DISC1: variants seen among roughly 807,000 people sequenced by gnomAD.
DISC1 encodes the protein disrupted in schizophrenia 1 protein.
In DISC1, 57 loss-of-function variants were observed where a neutral mutation model predicts 84.5. That is an observed-to-expected ratio of 0.67 (90% CI 0.55 to 0.84). DISC1 has a LOEUF of 0.84. DISC1 is among the 40% of genes least tolerant of loss of function. The pLI is 0.00. For synonymous variants in DISC1, 411 were observed against 415.2 expected (o/e 0.99, Z 0.12); for missense variants, 1,000 against 1,057.8 (o/e 0.95, Z 0.76).
At chr1:231,748,003 A>C (rs1379954001) in intron 3 of DISC1, among the ~76,000 whole-genome samples, 1 of 152,084 alleles carries the variant, frequency 6.6e-6, no homozygotes, top group South Asian at 2.1e-4. Flanking sequence ...GTTATTGTAA[A>C]TGAAATTTCC....
chr1:231,871,949 G>T (rs1043653472), intron 9 of DISC1, among the ~76,000 whole-genome samples: 4 of 152,180 alleles, frequency 2.6e-5, no homozygotes, highest in Admixed American at 2.6e-4. Flanking sequence ...TTCACCTTCA[G>T]AGACTGGAGA....
At chr1:231,696,059 A>G (rs1203698986) in intron 2 of DISC1, among the ~76,000 whole-genome samples, 1 of 152,172 alleles carries the variant, frequency 6.6e-6, no homozygotes, top group Non-Finnish European at 1.5e-5. Flanking sequence ...AGGGCCTCCA[A>G]TATTGGTTGA....
At chr1:231,868,022 T>G (rs2085183097) in intron 9 of DISC1, among the ~76,000 whole-genome samples, 1 of 152,194 alleles carries the variant, frequency 6.6e-6, no homozygotes, top group Non-Finnish European at 1.5e-5. Context: ...TTGAGTGTGT[T>G]TTAAAGCTCC....
chr1:231,839,700 A>C (rs1424231362), intron 9 of DISC1, among the ~76,000 whole-genome samples: 1 of 152,190 alleles, frequency 6.6e-6, no homozygotes, highest in East Asian at 1.9e-4. Context: ...AAATAAGTTT[A>C]TTTGGCTTAT....
intron 1 of DISC1, among the ~76,000 whole-genome samples, chr1:231,683,373 A>G (rs560263249): frequency 3.3e-5 from 5 of 151,898 alleles, no homozygotes; most frequent in African/African-American, 1.2e-4. Context: ...TTGTAATTTC[A>G]TCAGTCTTGG....
chr1:231,656,087 A>T (rs1275635008), intron 1 of DISC1, among the ~76,000 whole-genome samples: 6 of 151,886 alleles, frequency 4.0e-5, no homozygotes, highest in Non-Finnish European at 1.5e-5. Flanking sequence ...TGTGTGGAGC[A>T]TTTTAGTTTA....
At chr1:231,723,011 T>C (rs924128532) in intron 3 of DISC1, 8 of 1,112,940 alleles carry the variant, frequency 7.2e-6, no homozygotes, top group South Asian at 2.4e-5. Context: ...AGGACAATTA[T>C]GAAGGAATCA....
chr1:231,809,908 T>C (rs201078002), intron 8 of DISC1, among the ~76,000 whole-genome samples: 97 of 152,340 alleles, frequency 6.4e-4, no homozygotes, highest in Middle Eastern at 3.4e-3. Context: ...ATTGACCATG[T>C]CAATTGTCAA....
chr1:231,849,308 C>T (rs1041276917), intron 9 of DISC1, among the ~76,000 whole-genome samples: 24 of 152,010 alleles, frequency 1.6e-4, no homozygotes, highest in African/African-American at 2.7e-4. Context: ...TTAGTAGAGA[C>T]GGGGTTTCTC....
chr1:231,771,400 G>A (rs902342627), intron 6 of DISC1: 2 of 985,254 alleles, frequency 2.0e-6, no homozygotes, highest in African/African-American at 3.5e-5. Flanking sequence ...AGATCCTAAT[G>A]CCAACTTTTG....
chr1:232,017,408 A>T (rs2103019665), intron 11 of DISC1, among the ~76,000 whole-genome samples: 1 of 151,884 alleles, frequency 6.6e-6, no homozygotes, highest in South Asian at 2.1e-4. Context: ...AAAAAACTTA[A>T]ATACTGCTAT....
At chr1:231,712,748 C>A (rs1361026360) in intron 3 of DISC1, among the ~76,000 whole-genome samples, 1 of 152,092 alleles carries the variant, frequency 6.6e-6, no homozygotes, top group Non-Finnish European at 1.5e-5. Flanking sequence ...TCTGCTTAGC[C>A]TAACTTAGAA....
At chr1:232,016,294 C>G (rs1406393565) in intron 11 of DISC1, among the ~76,000 whole-genome samples, 1 of 152,132 alleles carries the variant, frequency 6.6e-6, no homozygotes, top group African/African-American at 2.4e-5. Context: ...TTCAATATTT[C>G]TTAGCTCAAA....
In DISC1 at chr1:232,040,388, A is replaced by C. The variant is rs2103078290; in HGVS notation, c.*3557A>C. The C allele has an allele frequency of 6.6e-6, 1 of 152,318 alleles. No individual in the cohort carries two copies. The highest frequency in any genetic ancestry group is 1.9e-4 in the East Asian group (1 of 5,188). 9.4% of individuals were successfully genotyped at this position (152,318 alleles called of 1,614,324 possible). A position where few individuals can be genotyped will look rare whatever the true frequency, so the allele number is the denominator to read the frequency against. ...TCCCTGCAGTAAGGCTGGTTTCCCC[A>C]CCCCAGAAACATGTAACGGTTGGTA... On this transcript the variant is annotated 3_prime_UTR_variant, in exon 13 of 13. Transcript: ENST00000439617.
intron 6 of DISC1, chr1:231,771,782 A>T (rs2076567322): frequency 5.7e-6 from 1 of 174,934 alleles, no homozygotes; most frequent in Admixed American, 6.5e-5. Flanking sequence ...TATAAGATAC[A>T]CATCTACTTT....
intron 9 of DISC1, among the ~76,000 whole-genome samples, chr1:231,895,178 C>A (rs1000113672): frequency 6.6e-6 from 1 of 150,812 alleles, no homozygotes; most frequent in Non-Finnish European, 1.5e-5. Context: ...TATTGTTATC[C>A]CACTTTGTTT....
chr1:231,764,288 T>C (rs940588090), intron 4 of DISC1, among the ~76,000 whole-genome samples: 4 of 152,232 alleles, frequency 2.6e-5, no homozygotes, highest in African/African-American at 9.6e-5. Context: ...ACTAATTGGC[T>C]ATGTTAAAAT....
intron 1 of DISC1, among the ~76,000 whole-genome samples, chr1:231,633,681 G>A (rs1011469591): frequency 1.3e-5 from 2 of 152,094 alleles, no homozygotes; most frequent in Admixed American, 6.6e-5. Flanking sequence ...ACACAATTAT[G>A]TTCGCCCAGA....
At chr1:231,758,582 T>C (rs1558490919) in intron 4 of DISC1, among the ~76,000 whole-genome samples, 2 of 152,202 alleles carry the variant, frequency 1.3e-5, no homozygotes, top group South Asian at 4.1e-4. Flanking sequence ...AGATTCAGAA[T>C]GCAGAGCGTT....
Sources: gnomAD v4.1 joint callset for allele counts (sites outside exome capture counted in the v4.1 genomes callset) on GRCh38, gnomAD v4.1.1 for gene constraint, MANE v1.5 for transcripts, NCBI Gene and HGNC (gene_info 2026-07-23, HGNC 2026-07-21) for gene names.